Variants in ELFN2 observed in about 807,000 individuals in gnomAD.
ELFN2 encodes protein phosphatase 1 regulatory subunit 29.
In ELFN2, 17 loss-of-function variants were observed where a neutral mutation model predicts 45.5. The observed-to-expected ratio is 0.37, with a 90% CI of 0.26 to 0.56. The LOEUF (loss-of-function observed/expected upper bound fraction) is 0.56, where lower values mean the gene tolerates loss of function less well. Ranked by LOEUF, ELFN2 falls within the 20% of genes least tolerant of loss-of-function variation. ELFN2 has a pLI of 0.77. For missense variants in ELFN2, 922 were observed against 1,183.2 expected, an observed-to-expected ratio of 0.78 and a Z score of 3.24; for synonymous variants, 550 against 551.5, an observed-to-expected ratio of 1.00 and a Z score of 0.04.
chr22:37,424,423 C>T (rs1041404362), intron 1 of ELFN2, among the ~76,000 whole-genome samples: 1 of 152,200 alleles, frequency 6.6e-6, no homozygotes, highest in East Asian at 1.9e-4. Flanking sequence ...AGACACGCCC[C>T]ACTGGAGAAG....
At chr22:37,378,907 G>A (rs777459851) in intron 2 of ELFN2, among the ~76,000 whole-genome samples, 34 of 152,246 alleles carry the variant, frequency 2.2e-4, no homozygotes, top group Non-Finnish European at 4.3e-4. Context: ...GGGGGCAGCA[G>A]CCTGTCCTCT....
chr22:37,394,029 C>A (rs182890713), intron 2 of ELFN2, among the ~76,000 whole-genome samples: 19 of 152,186 alleles, frequency 1.2e-4, no homozygotes, highest in Admixed American at 1.3e-4. Context: ...CACCAGGCTG[C>A]GACTGATGTC....
At position 37,373,754 on chromosome 22, in the gene ELFN2, C is replaced by A; in HGVS notation, c.1781G>T (p.Gly594Val). The stretch of plus-strand genomic sequence containing the variant: ...AAGGAAGCTGGGCCGCTCCAGGGCC[C>A]CGGGGCCAGTGGCTGAGGAGGCGGC... ...AAAASSATGP[G>V]ALERPSFLSP... Residue 594 changes from glycine (G) to valine (V), a missense_variant, in exon 3 of 3, where the codon GGG becomes GTG. Physicochemically the swap from Gly to Val is moderately radical, Grantham distance 109. This residue lies in a region of ELFN2 where 564 missense variants were observed against 642.8 expected (regional missense o/e 0.88). Coordinates refer to ENST00000402918, the MANE Select transcript of ELFN2 (RefSeq NM_052906.5). 1 of 1,578,210 alleles carries A rather than the reference C, an allele frequency of 6.3e-7. No individual in the cohort carries two copies.
chr22:37,413,741 C>T (rs1038486010), intron 2 of ELFN2, among the ~76,000 whole-genome samples: 1 of 152,148 alleles, frequency 6.6e-6, no homozygotes, highest in Admixed American at 6.5e-5. Flanking sequence ...AGGTAATATG[C>T]CTGAGGTCAC....
chr22:37,417,791 C>G lies in ELFN2; in HGVS notation c.-485G>C, dbSNP rs1170401315. On this transcript the variant is annotated 5_prime_UTR_variant, in exon 2 of 3. Coordinates refer to ENST00000402918, the MANE Select transcript of ELFN2 (RefSeq NM_052906.5). This position sits in a 1 kb window ranked among gnomAD's most constrained non-coding sequence, Gnocchi z 4.5. ...TACCAGATGTCTGCAGCAGAGGAGG[C>G]CCCTCCGGCACTGTCCCCAACCTGG... The G allele has an allele frequency of 1.3e-5, 2 of 152,816 alleles. No homozygotes were observed. The highest frequency in any genetic ancestry group is 2.4e-5 in the African/African-American group (1 of 41,484). The allele number at this position is 152,816 out of a possible 1,614,324, so 9.5% of individuals were successfully genotyped here.
intron 1 of ELFN2, among the ~76,000 whole-genome samples, chr22:37,419,913 C>T (rs1177822974): frequency 6.6e-6 from 1 of 152,120 alleles, no homozygotes; most frequent in Non-Finnish European, 1.5e-5. Context: ...CGGCCCGCCC[C>T]GCCGCCAGCC....
chr22:37,350,449 G>A (rs887189492), intron 1 of ELFN2, among the ~76,000 whole-genome samples: 4 of 150,532 alleles, frequency 2.7e-5, no homozygotes, highest in Non-Finnish European at 6.0e-5. Flanking sequence ...CACCCAGGGG[G>A]TGAGGGGAGG....
chr22:37,357,386 C>G (rs993499798), intron 1 of ELFN2, among the ~76,000 whole-genome samples: 1 of 152,212 alleles, frequency 6.6e-6, no homozygotes, highest in African/African-American at 2.4e-5. Context: ...TACTGGAGAA[C>G]AGCTTGTGAT....
At chr22:37,427,172 C>G (rs1200333416) in intron 1 of ELFN2, 126 bp downstream of exon 1, 3 of 152,060 alleles carry the variant, frequency 2.0e-5, no homozygotes, top group African/African-American at 4.8e-5. Flanking sequence ...TCTCATCCCC[C>G]CTTCCGTGTC....
chr22:37,405,840 A>T (rs7291395), intron 2 of ELFN2, among the ~76,000 whole-genome samples: 3 of 141,646 alleles, frequency 2.1e-5, no homozygotes, highest in African/African-American at 5.5e-5. Flanking sequence ...AAAAGGGTGG[A>T]GGGGGGGTGG....
At chr22:37,354,372 G>A (rs1008990503) in intron 1 of ELFN2, 3 of 152,180 alleles carry the variant, frequency 2.0e-5, no homozygotes, top group East Asian at 1.9e-4. Context: ...GTGTATACAC[G>A]TATATATTCA....
intron 1 of ELFN2, among the ~76,000 whole-genome samples, chr22:37,420,978 T>C (rs1172884459): frequency 6.6e-6 from 1 of 152,154 alleles, no homozygotes; most frequent in East Asian, 1.9e-4. Context: ...TGAATTAATC[T>C]TCGGGAAAGC....
chr22:37,373,150 C>A lies in ELFN2; in HGVS notation c.2385G>T (p.Lys795Asn). ...YMAAGHALRK[K>N]VQFAKDEDLH... is the part of the protein sequence containing the mutation. Reference sequence around the variant, plus strand: ...GATCCTCGTCCTTGGCGAACTGGACCTTCTTGCGCAGGGCGTGACCGGCGG... The same window carrying A: ...GATCCTCGTCCTTGGCGAACTGGACATTCTTGCGCAGGGCGTGACCGGCGG... The change falls in exon 3 of 3, where the codon AAG becomes AAT. Residue 795 changes from lysine (K) to asparagine (N), a missense_variant. By Grantham distance (94) the Lys-to-Asn change is moderately conservative. Transcript: ENST00000402918. 1.9e-6 allele frequency: 3 copies of A among 1,613,490 alleles called. No individual in the cohort carries two copies. The highest frequency in any genetic ancestry group is 2.5e-6 in the Non-Finnish European group (3 of 1,179,692).
rs189952449 is a variant in ELFN2 at position 37,360,180 on chromosome 22, T to C, written n.149-17477A>G. Reference sequence around the variant, plus strand: ...CGTCTCCCACCTCAACCACACTCCCTGGTGGTCAGTCCAGCCCTAAGTTCA... The same window carrying C: ...CGTCTCCCACCTCAACCACACTCCCCGGTGGTCAGTCCAGCCCTAAGTTCA... On this transcript the variant is annotated intron_variant and non_coding_transcript_variant, in intron 1 of 2. Coordinates refer to ENST00000452946, the Ensembl canonical transcript of ELFN2. Among the ~76,000 whole-genome samples, 11 of 152,248 alleles carry C rather than the reference T, an allele frequency of 7.2e-5. No homozygotes were observed. In the East Asian group the frequency reaches 2.1e-3, roughly 29 times the overall value.
chr22:37,364,825 G>A (rs996444017), downstream of ELFN2, among the ~76,000 whole-genome samples: 2 of 152,224 alleles, frequency 1.3e-5, no homozygotes, highest in South Asian at 2.1e-4. Context: ...GGGGCTGGGC[G>A]GTGGGCCCCA....
chr22:37,358,064 G>A (rs917730782), intron 1 of ELFN2, among the ~76,000 whole-genome samples: 3 of 152,068 alleles, frequency 2.0e-5, no homozygotes, highest in Non-Finnish European at 2.9e-5. Flanking sequence ...TGGACCTGGC[G>A]GGTCAACCTC....
intron 1 of ELFN2, among the ~76,000 whole-genome samples, chr22:37,358,456 C>T (rs1266123149): frequency 6.6e-6 from 1 of 152,248 alleles, no homozygotes; most frequent in Non-Finnish European, 1.5e-5. Context: ...TCTCTTTCCA[C>T]TTGGACATCT....
Position 37,373,956 on chromosome 22 carries a change from C to A in ELFN2, c.1579G>T (p.Gly527Cys), listed in dbSNP as rs566547957. 2.4e-5 allele frequency: 38 copies of A among 1,612,630 alleles called. No individual in the cohort carries two copies. Among genetic ancestry groups the A allele is most frequent in the Non-Finnish European group, 3.1e-5 (37 of 1,179,796 alleles). The change falls in exon 3 of 3, where the codon GGC becomes TGC. Residue 527 changes from glycine (G) to cysteine (C), a missense_variant. Physicochemically the swap from Gly to Cys is radical, Grantham distance 159. Around this residue, in one of 2 missense-constraint regions of ELFN2, gnomAD observed 564 missense variants for 642.8 expected, o/e 0.88. Coordinates refer to ENST00000402918, the MANE Select transcript of ELFN2 (RefSeq NM_052906.5). ...PEDDLPDLEN[G>C]QGSAAEISTI... Reference sequence around the variant, plus strand: ...GAGATCTCTGCAGCCGAGCCCTGGCCGTTCTCGAGGTCCGGGAGGTCATCC... The same window carrying A: ...GAGATCTCTGCAGCCGAGCCCTGGCAGTTCTCGAGGTCCGGGAGGTCATCC...
intron 2 of ELFN2, among the ~76,000 whole-genome samples, chr22:37,410,159 G>A (rs565034826): frequency 7.2e-5 from 11 of 152,242 alleles, no homozygotes; most frequent in Middle Eastern, 3.4e-3. Flanking sequence ...AGGCGGTTGC[G>A]GCAAACAGAC....
Sources: gnomAD v4.1 joint callset for allele counts (sites outside exome capture counted in the v4.1 genomes callset) on GRCh38, gnomAD v4.1.1 for gene constraint, gnomAD v4.1.1 regional missense constraint, Gnocchi (gnomAD v3.1) non-coding constraint, MANE v1.5 for transcripts, NCBI Gene and HGNC (gene_info 2026-07-23, HGNC 2026-07-21) for gene names.